ANXA8: variants seen among roughly 807,000 people sequenced by gnomAD.
The protein encoded by ANXA8 is VAC-beta.
A neutral mutation model predicts 26.8 loss-of-function variants in ANXA8; 9 were observed. The ratio of observed to expected loss-of-function variants is 0.34; its 90% CI spans 0.20 to 0.59. The LOEUF is 0.59. ANXA8 is among the 20% of genes least tolerant of loss of function. The probability of loss-of-function intolerance (pLI) is 0.84; values close to 1 mark genes in which losing one functional copy is unlikely to be tolerated. For synonymous variants in ANXA8, 39 were observed against 94.8 expected (o/e 0.41, Z 3.42); for missense variants, 83 against 238.5 (o/e 0.35, Z 4.29).
the ANXA8 span, among the ~76,000 whole-genome samples, chr10:47,498,492 C>G: frequency 4.2e-5 from 6 of 143,156 alleles, no homozygotes; most frequent in African/African-American, 1.3e-4. Context: ...ACCTTGCTTT[C>G]AATTATTTTG....
chr10:47,980,073 A>G, the ANXA8 span, among the ~76,000 whole-genome samples: 2 of 150,770 alleles, frequency 1.3e-5, no homozygotes, highest in South Asian at 2.1e-4. Context: ...CATATAGAAT[A>G]TGTTCTCTAA....
intron 1 of ANXA8, among the ~76,000 whole-genome samples, chr10:47,483,342 C>T (rs1238512): frequency 5.2e-5 from 7 of 134,160 alleles, no homozygotes; most frequent in African/African-American, 2.2e-4. Flanking sequence ...CTTCCCACTT[C>T]TCTTAAGGTA....
At chr10:47,659,768 A>ATTTTTTTTTTTTTTTT in the ANXA8 span, among the ~76,000 whole-genome samples, 2 of 149,634 alleles carry the variant, frequency 1.3e-5, no homozygotes, top group African/African-American at 5.0e-5. Context: ...TTAATTTTTT[A>ATTTTTTTTTTTTTTTT]TTTTTTGAGA....
At chr10:47,953,913 GA>G in the ANXA8 span, among the ~76,000 whole-genome samples, 4 of 149,870 alleles carry the variant, frequency 2.7e-5, no homozygotes, top group South Asian at 6.3e-4. Flanking sequence ...AGGATGTGGA[GA>G]AAAGTGAACC....
At chr10:47,733,183 T>TTCTCTCTCTCTCTCTC in the ANXA8 span, among the ~76,000 whole-genome samples, 1 of 86,960 alleles carries the variant, frequency 1.1e-5, no homozygotes, top group African/African-American at 3.2e-5. Context: ...CTTTCTTTCT[T>TTCTCTCTCTCTCTCTC]TCTTTCTTTC....
chr10:47,647,500 G>A, the ANXA8 span, among the ~76,000 whole-genome samples: 1 of 149,804 alleles, frequency 6.7e-6, no homozygotes, highest in South Asian at 2.1e-4. Context: ...TTCACACAAG[G>A]AATAAATTGG....
At chr10:47,496,017 C>A in the ANXA8 span, among the ~76,000 whole-genome samples, 7 of 151,516 alleles carry the variant, frequency 4.6e-5, no homozygotes, top group South Asian at 4.2e-4. Context: ...GAAGGCAGGG[C>A]TGAGTCCCTG....
the ANXA8 span, chr10:47,985,731 AC>A: frequency 2.4e-5 from 2 of 83,632 alleles, no homozygotes; most frequent in African/African-American, 9.0e-5. Context: ...CCCCAAAGCA[AC>A]TATTAAAAAA....
the ANXA8 span, among the ~76,000 whole-genome samples, chr10:47,685,914 A>C: frequency 6.7e-6 from 1 of 149,066 alleles, no homozygotes; most frequent in African/African-American, 2.5e-5. Flanking sequence ...AGGACACAGA[A>C]GCAGTAAATG....
the ANXA8 span, among the ~76,000 whole-genome samples, chr10:47,946,257 ACTCT>A: frequency 6.8e-6 from 1 of 147,960 alleles, no homozygotes; most frequent in South Asian, 2.1e-4. Context: ...GCTGTAATAA[ACTCT>A]CTTAGTTTCC....
chr10:47,643,972 C>T, the ANXA8 span, among the ~76,000 whole-genome samples: 1 of 77,958 alleles, frequency 1.3e-5, no homozygotes, highest in Non-Finnish European at 2.3e-5. Flanking sequence ...TGAGATAAAC[C>T]AAGATTAGAC....
chr10:47,744,327 C>T, the ANXA8 span, among the ~76,000 whole-genome samples: 1 of 148,524 alleles, frequency 6.7e-6, no homozygotes, highest in African/African-American at 2.5e-5. Context: ...AGCTCCATCA[C>T]CTTCTAGCTG....
the ANXA8 span, among the ~76,000 whole-genome samples, chr10:47,537,587 T>C: frequency 7.2e-6 from 1 of 139,270 alleles, no homozygotes; most frequent in Non-Finnish European, 1.5e-5. Context: ...CACATACATA[T>C]AGGTATTTGT....
At chr10:47,726,995 A>G in the ANXA8 span, 2 of 1,386,286 alleles carry the variant, frequency 1.4e-6, no homozygotes, top group East Asian at 2.3e-5. Flanking sequence ...TGTTTTATTC[A>G]GGAGTATAAA....
chr10:47,660,234 A>G, the ANXA8 span, among the ~76,000 whole-genome samples: 1 of 147,190 alleles, frequency 6.8e-6, no homozygotes. Context: ...GTTTAATTTG[A>G]TAATTCATAT....
the ANXA8 span, among the ~76,000 whole-genome samples, chr10:47,687,938 A>G: frequency 6.6e-6 from 1 of 151,684 alleles, no homozygotes; most frequent in East Asian, 1.9e-4. Flanking sequence ...CATCTCTACT[A>G]AAAAAACTAA....
chr10:47,899,000 A>C, the ANXA8 span, among the ~76,000 whole-genome samples: 1 of 149,212 alleles, frequency 6.7e-6, no homozygotes, highest in African/African-American at 2.5e-5. Context: ...TGATCAGCTA[A>C]TTTTTGTATT....
At chr10:47,645,485 G>A in the ANXA8 span, among the ~76,000 whole-genome samples, 6 of 148,316 alleles carry the variant, frequency 4.0e-5, no homozygotes, top group Admixed American at 2.7e-4. Context: ...CTTACAAAAT[G>A]TCCTTTAGTT....
At chr10:47,988,667 T>G in the ANXA8 span, among the ~76,000 whole-genome samples, 1 of 144,306 alleles carries the variant, frequency 6.9e-6, no homozygotes, top group South Asian at 2.3e-4. Context: ...CACTTTGTCC[T>G]GTTAGATCTG....
Sources: allele counts gnomAD v4.1 joint callset (sites outside exome capture counted in the v4.1 genomes callset), GRCh38; gene constraint gnomAD v4.1.1; transcripts MANE v1.5; gene names NCBI Gene and HGNC (gene_info 2026-07-23, HGNC 2026-07-21).